Variants in TRIM44 observed in about 807,000 individuals in gnomAD.
TRIM44 encodes the protein tripartite motif containing 44, also known as tripartite motif-containing protein 44.
In TRIM44, 13 loss-of-function variants were observed where a neutral mutation model predicts 37.4. The observed-to-expected ratio is 0.35, with a 90% CI of 0.23 to 0.55. The LOEUF (loss-of-function observed/expected upper bound fraction) is 0.55, where lower values mean the gene tolerates loss of function less well. Ranked by LOEUF, TRIM44 falls within the 20% of genes least tolerant of loss-of-function variation. TRIM44 has a pLI of 0.89. For synonymous variants in TRIM44, 175 were observed against 157.2 expected (o/e 1.11, Z -0.85); for missense variants, 426 against 437.2 (o/e 0.97, Z 0.23).
chr11:35,775,961 G>A (rs983518757), intron 4 of TRIM44, among the ~76,000 whole-genome samples: 4 of 152,134 alleles, frequency 2.6e-5, no homozygotes, highest in African/African-American at 9.7e-5. Flanking sequence ...CCAGGCTTTG[G>A]TATCAGGATG....
At chr11:35,671,198 GAAC>G (rs1318813663) in intron 1 of TRIM44, among the ~76,000 whole-genome samples, 3 of 152,112 alleles carry the variant, frequency 2.0e-5, no homozygotes, top group Non-Finnish European at 2.9e-5. Flanking sequence ...AAGTAGAAAA[GAAC>G]AAATAAGCAA....
chr11:35,692,181 G>A (rs1249106197), intron 2 of TRIM44, among the ~76,000 whole-genome samples: 1 of 151,938 alleles, frequency 6.6e-6, no homozygotes, highest in Admixed American at 6.6e-5. Flanking sequence ...TGTAAACTTT[G>A]GGTACTTACT....
At chr11:35,754,160 ATCTT>A (rs1218374220) in intron 4 of TRIM44, among the ~76,000 whole-genome samples, 6 of 152,176 alleles carry the variant, frequency 3.9e-5, no homozygotes, top group Non-Finnish European at 7.4e-5. Flanking sequence ...GTTAGAGGTA[ATCTT>A]TCTTTCTTTA....
At chr11:35,734,154 G>A (rs896907303) in intron 3 of TRIM44, among the ~76,000 whole-genome samples, 4 of 152,084 alleles carry the variant, frequency 2.6e-5, no homozygotes, top group Non-Finnish European at 4.4e-5. Context: ...TAGAAGGTTA[G>A]ATCATTATGA....
chr11:35,743,787 A>T (rs1163376428), intron 4 of TRIM44, among the ~76,000 whole-genome samples: 2 of 152,130 alleles, frequency 1.3e-5, no homozygotes, highest in East Asian at 3.9e-4. Context: ...CACTGCAGCA[A>T]ATTTTATGCT....
chr11:35,701,346 A>T (rs1373051481), intron 2 of TRIM44, among the ~76,000 whole-genome samples: 2 of 152,108 alleles, frequency 1.3e-5, no homozygotes, highest in African/African-American at 4.8e-5. Context: ...ATCTGCTTGT[A>T]ATTAAGCTGA....
chr11:35,800,086 C>T (rs139088073), intron 4 of TRIM44, among the ~76,000 whole-genome samples: 1,695 of 152,242 alleles, frequency 0.011, 32 homozygotes, highest in African/African-American at 0.039. Context: ...AATGAAGCCG[C>T]GGACCTTCGC....
At chr11:35,717,517 C>T (rs1279381940) in intron 2 of TRIM44, among the ~76,000 whole-genome samples, 1 of 152,120 alleles carries the variant, frequency 6.6e-6, no homozygotes, top group Non-Finnish European at 1.5e-5. Context: ...AAACCCCAGT[C>T]CTCAAATTTT....
intron 1 of TRIM44, among the ~76,000 whole-genome samples, chr11:35,669,633 G>A (rs1225781986): frequency 2.0e-5 from 3 of 151,844 alleles, no homozygotes; most frequent in African/African-American, 7.3e-5. Context: ...CCACCACCAT[G>A]CCCAGCTAAT....
At chr11:35,797,798 T>C (rs1007555488) in intron 4 of TRIM44, among the ~76,000 whole-genome samples, 4 of 152,146 alleles carry the variant, frequency 2.6e-5, no homozygotes, top group African/African-American at 9.6e-5. Context: ...AATGATGAAA[T>C]GTGGTATTCT....
At chr11:35,692,273 A>G (rs906158080) in intron 2 of TRIM44, among the ~76,000 whole-genome samples, 2 of 152,270 alleles carry the variant, frequency 1.3e-5, no homozygotes, top group South Asian at 2.1e-4. Flanking sequence ...TAAATATGCA[A>G]CCTGGATGAT....
chr11:35,722,705 T>C (rs2135514113), intron 2 of TRIM44, among the ~76,000 whole-genome samples: 1 of 152,328 alleles, frequency 6.6e-6, no homozygotes, highest in Middle Eastern at 3.4e-3. Flanking sequence ...ACTGCAAACG[T>C]GCTTTATCAG....
intron 4 of TRIM44, among the ~76,000 whole-genome samples, chr11:35,747,785 G>C (rs1852509099): frequency 6.6e-6 from 1 of 151,968 alleles, no homozygotes; most frequent in Non-Finnish European, 1.5e-5. Context: ...AAGAGCCACT[G>C]TTCACCAAGT....
chr11:35,669,177 G>T (rs904615495), intron 1 of TRIM44, among the ~76,000 whole-genome samples: 1 of 152,154 alleles, frequency 6.6e-6, no homozygotes, highest in African/African-American at 2.4e-5. Context: ...TACTTCAAGA[G>T]AGGATTCGAG....
chr11:35,771,399 A>G (rs575293036), intron 4 of TRIM44, among the ~76,000 whole-genome samples: 1 of 152,306 alleles, frequency 6.6e-6, no homozygotes, highest in African/African-American at 2.4e-5. Flanking sequence ...TAAGCAGCAA[A>G]GTGTTCAAAA....
rs866077590 is a variant in TRIM44, at chr11:35,742,595, A to T, written c.1007+7150A>T. On this transcript the variant is annotated intron_variant, in intron 4 of 4. Coordinates refer to ENST00000299413, the MANE Select transcript of TRIM44 (RefSeq NM_017583.6). ...TTATATTAATTATATTAATTGTATT[A>T]TATATAATTATATTAATTATATTAA... Among the ~76,000 whole-genome samples the T allele has an allele frequency of 3.8e-5, 5 of 131,416 alleles. 1 individual carries two copies. Among genetic ancestry groups the T allele is most frequent in the Non-Finnish European group, 6.2e-5 (4 of 64,702 alleles). The allele number at this position is 131,416 out of a possible 152,430, so 86.2% of individuals were successfully genotyped here. A position where few individuals can be genotyped will look rare whatever the true frequency, so the allele number is the denominator to read the frequency against.
Position 35,811,858 on chromosome 11 carries a change from A to AGG in TRIM44, c.*5475_*5476dup, listed in dbSNP as rs1853530516. 1 of 152,166 alleles carries AGG rather than the reference A, an allele frequency of 6.6e-6. No homozygotes were observed. Among genetic ancestry groups the AGG allele is most frequent in the African/African-American group, 2.4e-5 (1 of 41,426 alleles). The allele number at this position is 152,166 out of a possible 1,614,324, so 9.4% of individuals were successfully genotyped here. ...GAACCTTGAGAAAATTGTCCAAGAG[A>AGG]GGGAGATAAGTCACTCAAGGTCACC... On this transcript the variant is annotated 3_prime_UTR_variant, in exon 5 of 5. Transcript: ENST00000299413.
intron 4 of TRIM44, among the ~76,000 whole-genome samples, chr11:35,775,635 A>C (rs9736976): frequency 0.011 from 1,612 of 152,280 alleles, 29 homozygotes; most frequent in African/African-American, 0.037. Context: ...CCATTTTGAG[A>C]TACATCCCAT....
At chr11:35,720,558 G>C (rs764328354) in intron 2 of TRIM44, among the ~76,000 whole-genome samples, 2 of 151,980 alleles carry the variant, frequency 1.3e-5, no homozygotes, top group Non-Finnish European at 2.9e-5. Flanking sequence ...GCGTAAGCTA[G>C]GATTTTCAGT....
Sources: allele counts gnomAD v4.1 joint callset (sites outside exome capture counted in the v4.1 genomes callset), GRCh38; gene constraint gnomAD v4.1.1; transcripts MANE v1.5; gene names NCBI Gene and HGNC (gene_info 2026-07-23, HGNC 2026-07-21).